Variants in ZC2HC1A observed in about 807,000 individuals in gnomAD.
ZC2HC1A encodes zinc finger C2HC domain-containing protein 1A.
Under a neutral mutation model 40.7 loss-of-function variants are expected in ZC2HC1A, and 28 were observed. The observed-to-expected ratio is 0.69, with a 90% CI of 0.51 to 0.94. ZC2HC1A has a LOEUF of 0.94. ZC2HC1A is among the 40% of genes least tolerant of loss of function. The probability of loss-of-function intolerance (pLI) is 0.00; values close to 1 mark genes in which losing one functional copy is unlikely to be tolerated. For synonymous variants in ZC2HC1A, 129 were observed against 129.2 expected (o/e 1.00, Z 0.01); for missense variants, 389 against 386.3 (o/e 1.01, Z -0.06).
At chr8:78,704,880 G>T (rs1046253088) in intron 7 of ZC2HC1A, among the ~76,000 whole-genome samples, 2 of 151,952 alleles carry the variant, frequency 1.3e-5, no homozygotes, top group Non-Finnish European at 2.9e-5. Flanking sequence ...TTCTTCGCTT[G>T]GTCTCTTCTG....
chr8:78,705,583 T>C (rs1003783021), intron 7 of ZC2HC1A, among the ~76,000 whole-genome samples: 1 of 152,152 alleles, frequency 6.6e-6, no homozygotes, highest in African/African-American at 2.4e-5. Context: ...AATAAAGCAG[T>C]CTGGCCACAT....
intron 1 of ZC2HC1A, among the ~76,000 whole-genome samples, chr8:78,667,205 CA>C (rs1809325465): frequency 6.6e-6 from 1 of 152,142 alleles, no homozygotes; most frequent in African/African-American, 2.4e-5. Flanking sequence ...ACCTATTCAC[CA>C]AAAAGCAGAT....
At position 78,718,427 on chromosome 8, in the gene ZC2HC1A, A is replaced by G. The variant is rs897611116; in HGVS notation, c.*934A>G. ...GAATAAATCATTTTAATGCATCTTA[A>G]ATCACGTCACCTAATCATAATAGTT... On this transcript the variant is annotated 3_prime_UTR_variant, in exon 9 of 9. Coordinates refer to ENST00000263849, the MANE Select transcript of ZC2HC1A (RefSeq NM_016010.3). The G allele has an allele frequency of 6.6e-6, 1 of 151,968 alleles. No homozygotes were observed. Among genetic ancestry groups the G allele is most frequent in the Admixed American group, 6.6e-5 (1 of 15,258 alleles). 9.4% of individuals were successfully genotyped at this position (151,968 alleles called of 1,614,324 possible). A position where few individuals can be genotyped will look rare whatever the true frequency, so the allele number is the denominator to read the frequency against.
At chr8:78,708,830 A>G (rs971984421) in intron 7 of ZC2HC1A, among the ~76,000 whole-genome samples, 2 of 151,866 alleles carry the variant, frequency 1.3e-5, no homozygotes, top group Non-Finnish European at 2.9e-5. Flanking sequence ...GGTGTGTGCT[A>G]CCATGTCTGG....
chr8:78,687,095 G>A (rs923003311), intron 4 of ZC2HC1A, among the ~76,000 whole-genome samples: 1 of 151,896 alleles, frequency 6.6e-6, no homozygotes, highest in Non-Finnish European at 1.5e-5. Context: ...TTTTCTCATT[G>A]AGCAGATAAA....
At chr8:78,693,266 C>A (rs935827807) in intron 5 of ZC2HC1A, among the ~76,000 whole-genome samples, 10 of 152,012 alleles carry the variant, frequency 6.6e-5, no homozygotes, top group South Asian at 2.1e-4. Flanking sequence ...ATGGCTGGGT[C>A]AAATGGTATT....
At chr8:78,676,969 GATAGTCATCTGCTATCCTC>G (rs1272997260) in intron 2 of ZC2HC1A, among the ~76,000 whole-genome samples, 7 of 152,086 alleles carry the variant, frequency 4.6e-5, no homozygotes, top group Admixed American at 2.0e-4. Flanking sequence ...GGGTCCACTA[GATAGTCATCTGCTATCCTC>G]ATTTTTTAAA....
chr8:78,666,281 T>A (rs1809294295), intron 1 of ZC2HC1A, 117 bp downstream of exon 1: 1 of 1,474,036 alleles, frequency 6.8e-7, no homozygotes, highest in Non-Finnish European at 9.2e-7. Flanking sequence ...CCTCGCCGCG[T>A]CCCGCCGCGC....
intron 1 of ZC2HC1A, among the ~76,000 whole-genome samples, chr8:78,667,882 G>C (rs2130401693): frequency 6.6e-6 from 1 of 151,836 alleles, no homozygotes; most frequent in Middle Eastern, 3.4e-3. Flanking sequence ...GTATTTATAG[G>C]CATATTTTAT....
intron 3 of ZC2HC1A, among the ~76,000 whole-genome samples, chr8:78,685,656 A>G (rs1809945538): frequency 6.6e-6 from 1 of 152,228 alleles, no homozygotes. Flanking sequence ...GATTCTTAGT[A>G]ATTTAAAAAG....
chr8:78,674,159 C>G (rs564051676), intron 1 of ZC2HC1A, among the ~76,000 whole-genome samples: 17 of 152,004 alleles, frequency 1.1e-4, no homozygotes, highest in Non-Finnish European at 2.1e-4. Context: ...TTGTGTTATT[C>G]TGTCCTTGTG....
At chr8:78,686,939 T>A (rs1809998770) in intron 4 of ZC2HC1A, among the ~76,000 whole-genome samples, 2 of 152,290 alleles carry the variant, frequency 1.3e-5, no homozygotes, top group South Asian at 4.1e-4. Flanking sequence ...AATGTAGTCA[T>A]TCAGCAGGAG....
At chr8:78,666,235 G>C in intron 1 of ZC2HC1A, 71 bp downstream of exon 1, 2 of 1,549,972 alleles carry the variant, frequency 1.3e-6, no homozygotes, top group Non-Finnish European at 1.7e-6. Flanking sequence ...CTGGACACCA[G>C]TAGCAGGAAG....
intron 7 of ZC2HC1A, among the ~76,000 whole-genome samples, chr8:78,713,081 A>G (rs1024789393): frequency 2.6e-5 from 4 of 152,194 alleles, no homozygotes; most frequent in African/African-American, 7.2e-5. Flanking sequence ...TCTCACAGTA[A>G]CAGTGACTAG....
chr8:78,672,786 ACTT>A (rs1297142858), intron 1 of ZC2HC1A, among the ~76,000 whole-genome samples: 2 of 152,190 alleles, frequency 1.3e-5, no homozygotes, highest in African/African-American at 2.4e-5. Context: ...AATTTTTCTT[ACTT>A]CAAATTACAG....
chr8:78,679,173 A>G (rs1022217868), intron 3 of ZC2HC1A: 1 of 152,202 alleles, frequency 6.6e-6, no homozygotes, highest in African/African-American at 2.4e-5. Flanking sequence ...GAAAAGTTTT[A>G]TCTGTTGTTC....
At chr8:78,683,304 G>A (rs941064302) in intron 3 of ZC2HC1A, among the ~76,000 whole-genome samples, 11 of 152,182 alleles carry the variant, frequency 7.2e-5, no homozygotes, top group Non-Finnish European at 1.6e-4. Context: ...TGAGGGCCCC[G>A]CCCCTGAAAC....
intron 7 of ZC2HC1A, among the ~76,000 whole-genome samples, chr8:78,705,726 G>A (rs909191514): frequency 1.3e-5 from 2 of 152,172 alleles, no homozygotes; most frequent in South Asian, 2.1e-4. Flanking sequence ...CCCTGTGGGA[G>A]TTCTATCCCA....
At chr8:78,688,933 C>T (rs1344334400) in intron 4 of ZC2HC1A, among the ~76,000 whole-genome samples, 3 of 151,832 alleles carry the variant, frequency 2.0e-5, no homozygotes, top group Non-Finnish European at 4.4e-5. Flanking sequence ...TAACGTTTTT[C>T]CTCTGCTTAC....
Sources: gnomAD v4.1 joint callset for allele counts (sites outside exome capture counted in the v4.1 genomes callset) on GRCh38, gnomAD v4.1.1 for gene constraint, MANE v1.5 for transcripts, NCBI Gene and HGNC (gene_info 2026-07-23, HGNC 2026-07-21) for gene names.